HEATR4: variants seen among roughly 807,000 people sequenced by gnomAD.
HEATR4 encodes the protein HEAT repeat-containing protein 4.
In HEATR4, 95 loss-of-function variants were observed where a neutral mutation model predicts 108.8. The ratio of observed to expected loss-of-function variants is 0.87; its 90% CI spans 0.74 to 1.04. The LOEUF (loss-of-function observed/expected upper bound fraction) is 1.04. HEATR4 is among the 50% of genes least tolerant of loss of function. The pLI, the probability that HEATR4 is intolerant of heterozygous loss-of-function variation, is 0.00. For synonymous variants in HEATR4, 443 were observed against 459.4 expected (o/e 0.96, Z 0.46); for missense variants, 1,152 against 1,253.8 (o/e 0.92, Z 1.23).
Position 73,519,044 on chromosome 14 carries a change from C to T in HEATR4, c.1189G>A (p.Ala397Thr), listed in dbSNP as rs138339845. 8 of 1,613,446 alleles carry T rather than the reference C, an allele frequency of 5.0e-6. No individual in the cohort carries two copies. In the African/African-American group the frequency reaches 9.3e-5, roughly 19 times the overall value. The change falls in exon 5 of 18, where the codon GCC becomes ACC. Residue 397 changes from alanine (A) to threonine (T), a missense_variant. Ala to Thr is a moderately conservative substitution (Grantham distance 58, BLOSUM62 0). Transcript: ENST00000553558. ...VFPETPEKWS[A>T]QAIPEASYRP... ...TTACATGCTTCAGGAATTGCCTGGG[C>T]ACTCCACTTTTCTGGAGTTTCAGGG...
the HEATR4 span, chr14:73,596,111 T>C: frequency 0.038 from 5,918 of 155,436 alleles, 151 homozygotes; most frequent in African/African-American, 0.059. Flanking sequence ...AGAAGACTCT[T>C]TTGACAGGAG....
intron 4 of HEATR4, among the ~76,000 whole-genome samples, chr14:73,519,696 G>A (rs143683550): frequency 6.6e-6 from 1 of 152,136 alleles, no homozygotes; most frequent in East Asian, 1.9e-4. Context: ...TCCAGCCTAG[G>A]CAATGGGAGT....
At chr14:73,513,286 G>A (rs541306390) in intron 6 of HEATR4, among the ~76,000 whole-genome samples, 53 of 149,092 alleles carry the variant, frequency 3.6e-4, no homozygotes, top group East Asian at 4.0e-4. Context: ...TGGTGAAACC[G>A]TGTCTCTACT....
chr14:73,491,570 C>T (rs1595082548), intron 17 of HEATR4: 1 of 1,541,744 alleles, frequency 6.5e-7, no homozygotes, highest in Non-Finnish European at 8.7e-7. Context: ...GGACTCCCCG[C>T]TGCGGCGCGT....
rs1888029123 is a variant in HEATR4 at position 73,522,394 on chromosome 14, G to A, written c.759C>T (p.Ala253=). The A allele has an allele frequency of 6.2e-7, 1 of 1,614,230 alleles. No individual in the cohort carries two copies. The highest frequency in any genetic ancestry group is 8.5e-7 in the Non-Finnish European group (1 of 1,180,044). The change falls in exon 3 of 18, where the codon GCC becomes GCT. Residue 253 remains alanine (A), a synonymous_variant. Coordinates refer to ENST00000553558, the MANE Select transcript of HEATR4 (RefSeq NM_001220484.1). ...GCTGTTTCAGGAGCTCCAGGTCACT[G>A]GCAGAGGTAAGCTCATCCCGAATGT... The part of the protein sequence containing the change: ...WSHIRDELTS[A]SDLELLKQLE...
chr14:73,569,246 TA>T, the HEATR4 span: 6 of 1,613,424 alleles, frequency 3.7e-6, no homozygotes, highest in African/African-American at 8.0e-5. Flanking sequence ...AGAGGATGTC[TA>T]ACAAGCTTCT....
chr14:73,492,887 A>C lies in HEATR4; in HGVS notation c.2844+179T>G, dbSNP rs375389059. The C allele has an allele frequency of 1.2e-6, 2 of 1,613,770 alleles. No homozygotes were observed. Among genetic ancestry groups the C allele is most frequent in the Non-Finnish European group, 1.7e-6 (2 of 1,179,862 alleles). ...TGTGGAGGACCAGCTGTCCTTGGCA[A>C]CCACGTTGTATGATAAGGGGCTGCT... On this transcript the variant is annotated intron_variant, in intron 17 of 17. Coordinates refer to ENST00000553558, the MANE Select transcript of HEATR4 (RefSeq NM_001220484.1). This position sits in a 1 kb window ranked among gnomAD's most constrained non-coding sequence, Gnocchi z 4.9.
chr14:73,492,783 C>T lies in HEATR4; in HGVS notation c.2844+283G>A, dbSNP rs1281716787. ...GAACCCAAGTGCTTGGAAATATACC[C>T]CCAGCAAGCTGATGCCATGGAACTG... On this transcript the variant is annotated intron_variant, in intron 17 of 17. Coordinates refer to ENST00000553558, the MANE Select transcript of HEATR4 (RefSeq NM_001220484.1). This position sits in a 1 kb window ranked among gnomAD's most constrained non-coding sequence, Gnocchi z 4.9. The T allele has an allele frequency of 1.9e-6, 3 of 1,613,796 alleles. No individual in the cohort carries two copies. The highest frequency in any genetic ancestry group is 2.5e-6 in the Non-Finnish European group (3 of 1,179,890).
In HEATR4 at chr14:73,538,243, G is replaced by A. The variant is rs1288817176; in HGVS notation, c.-151-7999C>T. 2.6e-5 allele frequency among the ~76,000 whole-genome samples: 3 copies of A among 114,946 alleles called. 1 individual carries two copies. Among genetic ancestry groups the A allele is most frequent in the Non-Finnish European group, 5.7e-5 (3 of 52,728 alleles). The allele number at this position is 114,946 out of a possible 152,430, so 75.4% of individuals were successfully genotyped here. A position where few individuals can be genotyped will look rare whatever the true frequency, so the allele number is the denominator to read the frequency against. On this transcript the variant is annotated intron_variant, in intron 1 of 17. Coordinates refer to ENST00000553558, the MANE Select transcript of HEATR4 (RefSeq NM_001220484.1). ...GAGGTTAGTGTAAGGAGACAGGAAT[G>A]GAATGGAAAGTTGGTTGGGGAATTG...
chr14:73,538,699 C>A lies in HEATR4; in HGVS notation c.-151-8455G>T, dbSNP rs1448476602. Among the ~76,000 whole-genome samples the A allele has an allele frequency of 1.8e-5, 2 of 111,014 alleles. 1 individual carries two copies. The highest frequency in any genetic ancestry group is 3.9e-5 in the Non-Finnish European group (2 of 51,398). 72.8% of individuals were successfully genotyped at this position (111,014 alleles called of 152,430 possible). A position where few individuals can be genotyped will look rare whatever the true frequency, so the allele number is the denominator to read the frequency against. On this transcript the variant is annotated intron_variant, in intron 1 of 17. Transcript: ENST00000553558. The stretch of plus-strand genomic sequence containing the variant: ...ACAAAACAAAACAAAAAAAACAGGC[C>A]GGACGCGGTGGCTAACACCTGTAAT...
chr14:73,491,055 G>A (rs955780786), intron 17 of HEATR4: 4 of 1,590,080 alleles, frequency 2.5e-6, no homozygotes, highest in African/African-American at 2.7e-5. Flanking sequence ...CCGTTGAGGC[G>A]CGGGCGGCCG....
At chr14:73,594,915 G>C in the HEATR4 span, 1 of 1,025,424 alleles carries the variant, frequency 9.8e-7, no homozygotes, top group Non-Finnish European at 1.4e-6. Context: ...ATGTTGGCCA[G>C]GCTGGTCTCA....
At chr14:73,586,282 A>G in the HEATR4 span, among the ~76,000 whole-genome samples, 1 of 151,830 alleles carries the variant, frequency 6.6e-6, no homozygotes, top group African/African-American at 2.4e-5. Context: ...AATCCCAGCT[A>G]CTCAGGAAGG....
the HEATR4 span, among the ~76,000 whole-genome samples, chr14:73,578,043 G>C: frequency 1.3e-5 from 2 of 151,088 alleles, no homozygotes; most frequent in South Asian, 4.2e-4. Context: ...TAGAGATGGA[G>C]TTTTGCCATG....
In HEATR4 at chr14:73,493,531, T is replaced by C. The variant is rs538321154; in HGVS notation, c.2786-407A>G. The C allele has an allele frequency of 9.9e-5, 19 of 191,924 alleles. No individual in the cohort carries two copies. The South Asian group carries it at 1.9e-3, about 19-fold the overall frequency. 11.9% of individuals were successfully genotyped at this position (191,924 alleles called of 1,614,324 possible). A position where few individuals can be genotyped will look rare whatever the true frequency, so the allele number is the denominator to read the frequency against. On this transcript the variant is annotated intron_variant, in intron 16 of 17. Coordinates refer to ENST00000553558, the MANE Select transcript of HEATR4 (RefSeq NM_001220484.1). The stretch of plus-strand genomic sequence containing the variant: ...GTAGCATGTAAAAGGAGCATGTTAA[T>C]CAACCTCTTAAGGAAGAGACTCTCA...
At chr14:73,582,847 C>T in the HEATR4 span, 3 of 152,276 alleles carry the variant, frequency 2.0e-5, no homozygotes, top group East Asian at 1.9e-4. Flanking sequence ...CTCTCTCTCA[C>T]GGTATACAGT....
At chr14:73,548,755 C>T (rs1464303406) in intron 1 of HEATR4, among the ~76,000 whole-genome samples, 3 of 114,494 alleles carry the variant, frequency 2.6e-5, no homozygotes, top group African/African-American at 8.5e-5. Flanking sequence ...TGAGGCTAAG[C>T]TGCTAACCTG....
chr14:73,484,030 T>C (rs983234999), intron 17 of HEATR4, among the ~76,000 whole-genome samples: 33 of 151,914 alleles, frequency 2.2e-4, no homozygotes, highest in African/African-American at 8.0e-4. Context: ...AATTTTTCTT[T>C]ATTTTCAGTA....
At chr14:73,518,080 T>C (rs188484261) in intron 5 of HEATR4, among the ~76,000 whole-genome samples, 1 of 151,292 alleles carries the variant, frequency 6.6e-6, no homozygotes, top group African/African-American at 2.4e-5. Flanking sequence ...AGCGAGACTT[T>C]ATCTCAAAAA....
Sources: allele counts gnomAD v4.1 joint callset (sites outside exome capture counted in the v4.1 genomes callset), GRCh38; gene constraint gnomAD v4.1.1; non-coding constraint Gnocchi (gnomAD v3.1); transcripts MANE v1.5; gene names NCBI Gene and HGNC (gene_info 2026-07-23, HGNC 2026-07-21).